The following CASZ1 variants were observed in gnomAD, a reference collection of about 807,000 sequenced individuals.
CASZ1 encodes the protein zinc finger protein castor homolog 1.
In CASZ1, 28 loss-of-function variants were observed where a neutral mutation model predicts 135.2. That is an observed-to-expected ratio of 0.21 (90% CI 0.15 to 0.28). The LOEUF (loss-of-function observed/expected upper bound fraction) is 0.28, where lower values mean the gene tolerates loss of function less well. Ranked by LOEUF, CASZ1 falls within the 10% of genes least tolerant of loss-of-function variation. The pLI, the probability that CASZ1 is intolerant of heterozygous loss-of-function variation, is 1.00. For synonymous variants in CASZ1, 1,068 were observed against 1,073.4 expected, an observed-to-expected ratio of 0.99 and a Z score of 0.10; for missense variants, 2,161 against 2,453.3, an observed-to-expected ratio of 0.88 and a Z score of 2.52.
At chr1:10,675,688 C>A (rs1643545822) in intron 4 of CASZ1, among the ~76,000 whole-genome samples, 2 of 152,104 alleles carry the variant, frequency 1.3e-5, no homozygotes, top group Non-Finnish European at 2.9e-5. Flanking sequence ...TGGGCAGGTA[C>A]CCCTACCCCT....
At chr1:10,645,904 C>T (rs1438291042) in intron 17 of CASZ1, among the ~76,000 whole-genome samples, 1 of 152,136 alleles carries the variant, frequency 6.6e-6, no homozygotes, top group African/African-American at 2.4e-5. Flanking sequence ...AGTCACCACT[C>T]GGGGGTTAGA....
intron 1 of CASZ1, among the ~76,000 whole-genome samples, chr1:10,761,616 G>A (rs1307717947): frequency 6.6e-6 from 1 of 151,956 alleles, no homozygotes; most frequent in East Asian, 1.9e-4. Flanking sequence ...AACAAATATT[G>A]TGGTGTTTCC....
chr1:10,654,488 C>G lies in CASZ1; in HGVS notation c.1769G>C (p.Arg590Pro). Residue 590 changes from arginine to proline, a missense_variant, in exon 10 of 21, where the codon CGA (arginine) becomes CCA (proline). Arg to Pro is a moderately radical substitution (Grantham distance 103). Transcript: ENST00000377022. ...QLINDGFQRF[R>P]ATEDCGTADC... ...GGCTGTGCCACAGTCTTCGGTGGCT[C>G]GGAAGCGCTGGAAGCCGTCGTTAAT... is the stretch of plus-strand genomic sequence containing the variant. 6.2e-7 allele frequency: 1 copy of G among 1,614,224 alleles called. No homozygotes were observed. Among genetic ancestry groups the G allele is most frequent in the Non-Finnish European group, 8.5e-7 (1 of 1,180,042 alleles).
chr1:10,723,540 G>A (rs1639542266), intron 2 of CASZ1, among the ~76,000 whole-genome samples: 1 of 152,178 alleles, frequency 6.6e-6, no homozygotes, highest in South Asian at 2.1e-4. Context: ...CCAGCCTGGG[G>A]GCAGCACATG....
chr1:10,770,594 C>T (rs1423039274), intron 1 of CASZ1, among the ~76,000 whole-genome samples: 2 of 152,094 alleles, frequency 1.3e-5, no homozygotes, highest in Admixed American at 1.3e-4. Flanking sequence ...CGGTCACAGG[C>T]CCCCTCTGTC....
rs1320745576 is a variant in CASZ1, at chr1:10,794,932, C to T, written c.-234+1632G>A. ...GCCCCCGCCAGCGGCCCCAGCGCGC[C>T]TCTGCCCGCACCTCGCCACCCCGGC... On this transcript the variant is annotated intron_variant, in intron 1 of 20. Transcript: ENST00000377022. This position sits in a 1 kb window ranked among gnomAD's most constrained non-coding sequence, Gnocchi z 5.6. 6.6e-6 allele frequency among the ~76,000 whole-genome samples: 1 copy of T among 151,038 alleles called. No homozygotes were observed. Among genetic ancestry groups the T allele is most frequent in the Non-Finnish European group, 1.5e-5 (1 of 67,672 alleles).
At chr1:10,648,470 G>A in intron 15 of CASZ1, 1 of 291,152 alleles carries the variant, frequency 3.4e-6, no homozygotes, top group Admixed American at 4.6e-5. Context: ...AGGTCTTAAA[G>A]GTAGGATTCT....
At chr1:10,702,902 G>T (rs1639092993) in intron 3 of CASZ1, among the ~76,000 whole-genome samples, 1 of 152,084 alleles carries the variant, frequency 6.6e-6, no homozygotes, top group African/African-American at 2.4e-5. Flanking sequence ...CAATCAATTA[G>T]GGTGACAAGG....
rs1263847131 is a variant in CASZ1 at position 10,755,945 on chromosome 1, C to T, written c.-77+4756G>A. ...GAGGATGGCATGAGAACTGTCCAGT[C>T]CAGTTAGGAGTGAAGGTCACGGATC... On this transcript the variant is annotated intron_variant, in intron 2 of 20. Coordinates refer to ENST00000377022, the MANE Select transcript of CASZ1 (RefSeq NM_001079843.3). The surrounding 1 kb of genome is among the most constrained non-coding windows in gnomAD (Gnocchi z 4.3). Among the ~76,000 whole-genome samples, 2 of 151,372 alleles carry T rather than the reference C, an allele frequency of 1.3e-5. No homozygotes were observed. Among genetic ancestry groups the T allele is most frequent in the African/African-American group, 2.4e-5 (1 of 41,180 alleles).
At chr1:10,684,316 C>T (rs1163845211) in intron 4 of CASZ1, among the ~76,000 whole-genome samples, 2 of 152,212 alleles carry the variant, frequency 1.3e-5, no homozygotes, top group East Asian at 3.9e-4. Flanking sequence ...CTTTTCTAGG[C>T]CGGGTCAAGC....
chr1:10,795,283 C>G (rs1641043514), intron 1 of CASZ1, among the ~76,000 whole-genome samples: 1 of 152,146 alleles, frequency 6.6e-6, no homozygotes, highest in African/African-American at 2.4e-5. Context: ...TTAAGCCGGA[C>G]CCTAAGTGAC....
In CASZ1 at chr1:10,752,481, C is replaced by A. The variant is rs12035474; in HGVS notation, c.-77+8220G>T. Among the ~76,000 whole-genome samples the A allele has an allele frequency of 2.6e-5, 4 of 152,274 alleles. No homozygotes were observed. In the East Asian group the frequency reaches 7.7e-4, roughly 29 times the overall value. Reference sequence around the variant, plus strand: ...TCGATTCACCCAAGGGCCACCTGGGCCCAAATACAGGTTGGGAGACTCCAG... The same window carrying A: ...TCGATTCACCCAAGGGCCACCTGGGACCAAATACAGGTTGGGAGACTCCAG... On this transcript the variant is annotated intron_variant, in intron 2 of 20. Coordinates refer to ENST00000377022, the MANE Select transcript of CASZ1 (RefSeq NM_001079843.3).
At chr1:10,713,309 A>T (rs916679865) in intron 2 of CASZ1, among the ~76,000 whole-genome samples, 1 of 152,146 alleles carries the variant, frequency 6.6e-6, no homozygotes, top group African/African-American at 2.4e-5. Flanking sequence ...TTATTTTGTT[A>T]CTTATTTATT....
At chr1:10,673,630 A>G (rs1643476498) in intron 4 of CASZ1, among the ~76,000 whole-genome samples, 1 of 152,120 alleles carries the variant, frequency 6.6e-6, no homozygotes, top group African/African-American at 2.4e-5. Flanking sequence ...GTCAAAGACA[A>G]TTTAGGGAAA....
rs141996165 is a variant in CASZ1, at chr1:10,747,457, G to A, written c.-77+13244C>T. Among the ~76,000 whole-genome samples the A allele has an allele frequency of 2.0e-3, 304 of 152,284 alleles. No homozygotes were observed. Among genetic ancestry groups the A allele is most frequent in the African/African-American group, 7.0e-3 (289 of 41,552 alleles). ...CAGGTCCCAGCGGCAGATGAAAGGCGTTCCACCCAGATGTCAGGGAAGAAC... is the reference window on the plus strand; with the variant it reads ...CAGGTCCCAGCGGCAGATGAAAGGCATTCCACCCAGATGTCAGGGAAGAAC... On this transcript the variant is annotated intron_variant, in intron 2 of 20. Coordinates refer to ENST00000377022, the MANE Select transcript of CASZ1 (RefSeq NM_001079843.3). This position sits in a 1 kb window ranked among gnomAD's most constrained non-coding sequence, Gnocchi z 4.3.
Position 10,647,940 on chromosome 1 carries a change from T to C in CASZ1, c.3358A>G (p.Lys1120Glu). ...TGGGGTATGGTGGAAGCCAGCTGCT[T>C]CCAGGCGAGCAGGGTGGGGGTGGAG... ...VPSTPTLLAW[K>E]QLASTIPQMP... is the part of the protein sequence containing the mutation. The change falls in exon 16 of 21, where the codon AAG becomes GAG. Residue 1120 changes from lysine (K) to glutamate (E), a missense_variant. Physicochemically the swap from Lys to Glu is moderately conservative, Grantham distance 56. This residue lies in a region of CASZ1 where 349 missense variants were observed against 460.8 expected (regional missense o/e 0.76). Coordinates refer to ENST00000377022, the MANE Select transcript of CASZ1 (RefSeq NM_001079843.3). The surrounding 1 kb of genome is among the most constrained non-coding windows in gnomAD (Gnocchi z 4.9). 6.3e-7 allele frequency: 1 copy of C among 1,578,732 alleles called. No individual in the cohort carries two copies.
intron 2 of CASZ1, among the ~76,000 whole-genome samples, chr1:10,751,006 C>T (rs1309694981): frequency 3.3e-5 from 5 of 151,700 alleles, no homozygotes; most frequent in South Asian, 4.2e-4. Flanking sequence ...GTGGAGTGAT[C>T]GCCAAGACAC....
intron 4 of CASZ1, among the ~76,000 whole-genome samples, chr1:10,674,595 G>C (rs529791158): frequency 7.9e-5 from 12 of 152,380 alleles, no homozygotes; most frequent in African/African-American, 2.9e-4. Context: ...GTTGCTGAGG[G>C]GATGATGTGG....
In CASZ1 at chr1:10,762,166, C is replaced by G. The variant is rs1302681569; in HGVS notation, c.-233-1309G>C. ...GGAGTTGGCTCTTTGAAGGTGAGAG[C>G]TTCAGCATCAGCTCTGCCCTACCTC... is the stretch of plus-strand genomic sequence containing the variant. On this transcript the variant is annotated intron_variant, in intron 1 of 20. Coordinates refer to ENST00000377022, the MANE Select transcript of CASZ1 (RefSeq NM_001079843.3). This position sits in a 1 kb window ranked among gnomAD's most constrained non-coding sequence, Gnocchi z 4.1. Among the ~76,000 whole-genome samples, 1 of 152,102 alleles carries G rather than the reference C, an allele frequency of 6.6e-6. No homozygotes were observed. Among genetic ancestry groups the G allele is most frequent in the African/African-American group, 2.4e-5 (1 of 41,418 alleles).
Sources: allele counts gnomAD v4.1 joint callset (sites outside exome capture counted in the v4.1 genomes callset), GRCh38; gene constraint gnomAD v4.1.1; regional missense constraint gnomAD v4.1.1; non-coding constraint Gnocchi (gnomAD v3.1); transcripts MANE v1.5; gene names NCBI Gene and HGNC (gene_info 2026-07-23, HGNC 2026-07-21).